PPP1R9A: variants seen among roughly 807,000 people sequenced by gnomAD.
The protein encoded by PPP1R9A is protein phosphatase 1 regulatory subunit 9A, also known as neurabin-1.
PPP1R9A carries 59 observed loss-of-function variants against 141.9 expected under a neutral mutation model. That is an observed-to-expected ratio of 0.42 (90% CI 0.34 to 0.52). The LOEUF (loss-of-function observed/expected upper bound fraction) is 0.52. Among genes scored for constraint, PPP1R9A ranks in the 20% least tolerant of loss-of-function variants. PPP1R9A has a pLI of 0.10. For synonymous variants in PPP1R9A, 500 were observed against 569.7 expected (o/e 0.88, Z 1.74); for missense variants, 1,444 against 1,611.9 (o/e 0.90, Z 1.78).
At chr7:94,925,974 C>T (rs544813517) in intron 2 of PPP1R9A, among the ~76,000 whole-genome samples, 3 of 152,018 alleles carry the variant, frequency 2.0e-5, no homozygotes, top group African/African-American at 2.4e-5. Flanking sequence ...TACAGGCGTG[C>T]GCTGCCATGC....
intron 2 of PPP1R9A, among the ~76,000 whole-genome samples, chr7:95,074,498 G>T: frequency 6.9e-6 from 1 of 145,456 alleles, no homozygotes; most frequent in African/African-American, 2.6e-5. Flanking sequence ...TTTTGAGACG[G>T]AGTTTCTCTC....
intron 7 of PPP1R9A, among the ~76,000 whole-genome samples, chr7:95,217,090 T>C (rs1793569976): frequency 6.6e-6 from 1 of 152,184 alleles, no homozygotes; most frequent in Non-Finnish European, 1.5e-5. Flanking sequence ...TTCAGTATGA[T>C]ATTGGCTGTG....
At chr7:95,269,032 AG>A (rs769537717) in intron 13 of PPP1R9A, among the ~76,000 whole-genome samples, 174 bp from the exon 14 acceptor site, 2 of 152,188 alleles carry the variant, frequency 1.3e-5, no homozygotes, top group Non-Finnish European at 2.9e-5. Flanking sequence ...TATATGTATT[AG>A]TGACGATGTT....
intron 2 of PPP1R9A, among the ~76,000 whole-genome samples, chr7:95,045,216 G>T (rs185199153): frequency 1.3e-5 from 2 of 152,298 alleles, no homozygotes; most frequent in East Asian, 3.9e-4. Context: ...TGGAAAAAGA[G>T]ACCAAGGCAA....
At chr7:95,285,977 T>C (rs1805240739) in intron 17 of PPP1R9A, among the ~76,000 whole-genome samples, 1 of 152,198 alleles carries the variant, frequency 6.6e-6, no homozygotes, top group Non-Finnish European at 1.5e-5. Context: ...ATTGAAGAAT[T>C]GTCTCTCTAA....
At chr7:95,137,993 C>T (rs1302794430) in intron 4 of PPP1R9A, among the ~76,000 whole-genome samples, 15 of 145,208 alleles carry the variant, frequency 1.0e-4, no homozygotes, top group African/African-American at 5.2e-5. Context: ...AGTGCAGTGG[C>T]GCGATCTCGG....
intron 2 of PPP1R9A, among the ~76,000 whole-genome samples, chr7:94,936,680 G>GTGTT (rs1413524526): frequency 2.2e-5 from 3 of 139,410 alleles, no homozygotes; most frequent in African/African-American, 7.8e-5. Flanking sequence ...GTGTGTGTGT[G>GTGTT]TGTTTGTGTA....
intron 3 of PPP1R9A, among the ~76,000 whole-genome samples, chr7:95,119,005 G>A (rs1822040949): frequency 6.6e-6 from 1 of 150,650 alleles, no homozygotes; most frequent in Non-Finnish European, 1.5e-5. Context: ...AAAAGAAGAA[G>A]AAGAAAGAAA....
intron 8 of PPP1R9A, among the ~76,000 whole-genome samples, chr7:95,245,029 GC>G (rs1797932339): frequency 1.3e-5 from 2 of 152,138 alleles, no homozygotes; most frequent in South Asian, 4.1e-4. Context: ...TTCATGCTTG[GC>G]ACATGGTTGA....
rs1423545072 is a variant in PPP1R9A, at chr7:95,290,168, G to T, written c.3990G>T (p.Lys1330Asn). ...KLKEMKMSLE[K>N]ARKAQEKMEK... is the part of the protein sequence containing the mutation. ...AGGAAATGAAGATGTCTCTAGAGAAGGCTCGGAAGGCCCAAGAGAAAATGG... is the reference window on the plus strand; with the variant it reads ...AGGAAATGAAGATGTCTCTAGAGAATGCTCGGAAGGCCCAAGAGAAAATGG... The change falls in exon 20 of 20, where the codon AAG (lysine) becomes AAT (asparagine). Residue 1330 changes from lysine (K) to asparagine (N), a missense_variant. Around this residue, in one of 5 missense-constraint regions of PPP1R9A, gnomAD observed 459 missense variants for 513.8 expected, o/e 0.89. Transcript: ENST00000433360. 1 of 1,613,940 alleles carries T rather than the reference G, an allele frequency of 6.2e-7. No individual in the cohort carries two copies. Among genetic ancestry groups the T allele is most frequent in the Non-Finnish European group, 8.5e-7 (1 of 1,180,022 alleles).
intron 5 of PPP1R9A, among the ~76,000 whole-genome samples, chr7:95,162,717 A>C (rs1207151632): frequency 6.6e-6 from 1 of 152,214 alleles, no homozygotes; most frequent in Non-Finnish European, 1.5e-5. Context: ...GGGTGTTCTC[A>C]TTATCAAAAT....
intron 2 of PPP1R9A, among the ~76,000 whole-genome samples, chr7:95,073,996 A>C (rs141236452): frequency 1.4e-3 from 219 of 152,344 alleles, no homozygotes; most frequent in African/African-American, 5.1e-3. Context: ...TGAGGTTAGA[A>C]GCACAGTATC....
At chr7:95,196,438 C>T (rs1168897871) in intron 5 of PPP1R9A, among the ~76,000 whole-genome samples, 1 of 152,088 alleles carries the variant, frequency 6.6e-6, no homozygotes, top group African/African-American at 2.4e-5. Context: ...GTTAATTATA[C>T]ATTTACCATA....
chr7:95,101,677 C>A (rs1271030659), intron 2 of PPP1R9A, among the ~76,000 whole-genome samples: 1 of 152,182 alleles, frequency 6.6e-6, no homozygotes, highest in African/African-American at 2.4e-5. Flanking sequence ...ACTGGAAATA[C>A]TGCTTAGCGG....
At chr7:95,024,808 A>T (rs901199844) in intron 2 of PPP1R9A, among the ~76,000 whole-genome samples, 2 of 152,140 alleles carry the variant, frequency 1.3e-5, no homozygotes, top group African/African-American at 2.4e-5. Context: ...TGTGAATTTG[A>T]TACTGTCATT....
At chr7:95,213,336 T>C (rs1477425836) in intron 7 of PPP1R9A, among the ~76,000 whole-genome samples, 2 of 151,086 alleles carry the variant, frequency 1.3e-5, no homozygotes, top group African/African-American at 4.9e-5. Context: ...TTTTTTTTTT[T>C]TGGAGACAGA....
At chr7:95,240,299 A>T (rs942297585) in intron 8 of PPP1R9A, among the ~76,000 whole-genome samples, 4 of 152,058 alleles carry the variant, frequency 2.6e-5, no homozygotes, top group Non-Finnish European at 5.9e-5. Flanking sequence ...AGCACAATTT[A>T]TTGAAGTAGG....
At chr7:95,010,308 G>A (rs936368151) in intron 2 of PPP1R9A, among the ~76,000 whole-genome samples, 2 of 152,114 alleles carry the variant, frequency 1.3e-5, no homozygotes, top group African/African-American at 4.8e-5. Flanking sequence ...GGAGGCTGAG[G>A]TGGAAGGATT....
intron 2 of PPP1R9A, among the ~76,000 whole-genome samples, chr7:95,090,868 A>C (rs1185675272): frequency 6.6e-6 from 1 of 151,992 alleles, no homozygotes; most frequent in Non-Finnish European, 1.5e-5. Context: ...TGATGTCTAT[A>C]TGTATTTACA....
Sources: allele counts gnomAD v4.1 joint callset (sites outside exome capture counted in the v4.1 genomes callset), GRCh38; gene constraint gnomAD v4.1.1; regional missense constraint gnomAD v4.1.1; transcripts MANE v1.5; gene names NCBI Gene and HGNC (gene_info 2026-07-23, HGNC 2026-07-21).